Variants in ARSB observed in about 807,000 individuals in gnomAD.
ARSB encodes the protein N-acetylgalactosamine-4-sulfatase.
Under a neutral mutation model 50.9 loss-of-function variants are expected in ARSB, and 41 were observed. The observed-to-expected ratio is 0.81, with a 90% confidence interval of 0.63 to 1.04. ARSB has a LOEUF of 1.04. Ranked by LOEUF, ARSB falls within the 50% of genes least tolerant of loss-of-function variation. The pLI is 0.00. For missense variants in ARSB, 672 were observed against 693.3 expected, an observed-to-expected ratio of 0.97 and a Z score of 0.35; for synonymous variants, 269 against 284.8, an observed-to-expected ratio of 0.94 and a Z score of 0.56.
At chr5:78,956,278 A>C (rs925055202) in intron 3 of ARSB, among the ~76,000 whole-genome samples, 3 of 152,224 alleles carry the variant, frequency 2.0e-5, no homozygotes, top group Non-Finnish European at 4.4e-5. Context: ...AAGTCCTCAT[A>C]TTATGTAATT....
chr5:78,830,933 G>A (rs943396868), intron 6 of ARSB, among the ~76,000 whole-genome samples: 1 of 152,132 alleles, frequency 6.6e-6, no homozygotes, highest in African/African-American at 2.4e-5. Context: ...TAAGAACCCA[G>A]CAGATTTCAG....
At chr5:78,957,971 A>G (rs1751810656) in intron 3 of ARSB, among the ~76,000 whole-genome samples, 1 of 129,450 alleles carries the variant, frequency 7.7e-6, no homozygotes, top group South Asian at 2.7e-4. Flanking sequence ...GTTTTAAAAA[A>G]AATCAGGAAA....
At chr5:78,887,255 A>G (rs1358998232) in intron 4 of ARSB, among the ~76,000 whole-genome samples, 1 of 152,212 alleles carries the variant, frequency 6.6e-6, no homozygotes, top group Non-Finnish European at 1.5e-5. Context: ...ATAACATGGC[A>G]GAGAAGTGGA....
chr5:78,981,236 CACCG>C lies in ARSB; in HGVS notation c.312+3697_312+3700del, dbSNP rs1752890718. Among the ~76,000 whole-genome samples the C allele has an allele frequency of 6.4e-4, 3 of 4,670 alleles. 1 individual carries two copies. The highest frequency in any genetic ancestry group is 2.9e-3 in the Admixed American group (1 of 348). 3.1% of individuals were successfully genotyped at this position (4,670 alleles called of 152,430 possible). ...AAGTGCTGGGATTACAGGCGTGAGC[CACCG>C]CGCCCGGCCGAATTTCTAGTTCTTG... On this transcript the variant is annotated intron_variant, in intron 1 of 7. Transcript: ENST00000264914.
At chr5:78,847,199 C>T (rs534849190) in intron 5 of ARSB, among the ~76,000 whole-genome samples, 1 of 152,224 alleles carries the variant, frequency 6.6e-6, no homozygotes, top group South Asian at 2.1e-4. Flanking sequence ...TTGATCATGG[C>T]TCATTGCAGT....
rs577505599 is a variant in ARSB, at chr5:78,908,014, TG to T, written c.899-22188del. On this transcript the variant is annotated intron_variant, in intron 4 of 7. Coordinates refer to ENST00000264914, the MANE Select transcript of ARSB (RefSeq NM_000046.5). ...GCATCAAGCATGGTACCTGGACAGC[TG>T]GCATGGCAACCAACCTGACAGCAAT... Among the ~76,000 whole-genome samples, 40 of 152,274 alleles carry T rather than the reference TG, an allele frequency of 2.6e-4. No homozygotes were observed. In the East Asian group the frequency reaches 6.4e-3, roughly 24 times the overall value.
intron 6 of ARSB, among the ~76,000 whole-genome samples, chr5:78,806,033 A>G (rs1268084984): frequency 2.0e-5 from 3 of 152,146 alleles, no homozygotes; most frequent in African/African-American, 7.2e-5. Flanking sequence ...ACTACCACCT[A>G]CCTTCATTGG....
chr5:78,876,203 T>A (rs1032245281), intron 5 of ARSB, among the ~76,000 whole-genome samples: 3 of 152,028 alleles, frequency 2.0e-5, no homozygotes, highest in African/African-American at 7.2e-5. Flanking sequence ...CAAAGTAGAA[T>A]GAAGAAGAAA....
At chr5:78,939,936 A>G (rs1201210693) in intron 4 of ARSB, among the ~76,000 whole-genome samples, 1 of 152,196 alleles carries the variant, frequency 6.6e-6, no homozygotes, top group Non-Finnish European at 1.5e-5. Context: ...CATCCTCTCC[A>G]GCACCTGTTG....
chr5:78,966,147 A>G (rs1051394625), intron 2 of ARSB, among the ~76,000 whole-genome samples: 1 of 152,254 alleles, frequency 6.6e-6, no homozygotes, highest in African/African-American at 2.4e-5. Context: ...AGAATATAGG[A>G]CAGATACACT....
chr5:78,870,162 G>A (rs1193945161), intron 5 of ARSB, among the ~76,000 whole-genome samples: 1 of 148,804 alleles, frequency 6.7e-6, no homozygotes, highest in East Asian at 1.9e-4. Flanking sequence ...TGAAATTGTG[G>A]CAATAATCAA....
chr5:78,963,833 G>C (rs527300356), intron 3 of ARSB, among the ~76,000 whole-genome samples: 1 of 152,048 alleles, frequency 6.6e-6, no homozygotes, highest in Admixed American at 6.6e-5. Context: ...CTTTGGGCAG[G>C]GGGGAGCTGG....
chr5:78,932,025 T>C (rs76770375), intron 4 of ARSB, among the ~76,000 whole-genome samples: 17 of 152,302 alleles, frequency 1.1e-4, no homozygotes, highest in Admixed American at 3.3e-4. Context: ...TTAAACCTCT[T>C]TCCTTTATAA....
chr5:78,827,650 C>T lies in ARSB; in HGVS notation c.1213+11706G>A, dbSNP rs539005459. On this transcript the variant is annotated intron_variant, in intron 6 of 7. Coordinates refer to ENST00000264914, the MANE Select transcript of ARSB (RefSeq NM_000046.5). ...ACTCATATGACTGAATCAGGCCCACCCAGGACTTCCTCTTGGTTGAGGCAC... is the reference window on the plus strand; with the variant it reads ...ACTCATATGACTGAATCAGGCCCACTCAGGACTTCCTCTTGGTTGAGGCAC... Among the ~76,000 whole-genome samples the T allele has an allele frequency of 1.2e-4, 18 of 152,282 alleles. No homozygotes were observed. In the South Asian group the frequency reaches 3.5e-3, roughly 30 times the overall value.
intron 6 of ARSB, chr5:78,816,033 G>A: frequency 6.7e-7 from 1 of 1,499,798 alleles, no homozygotes; most frequent in Non-Finnish European, 9.1e-7. Context: ...CCTTGGGTCT[G>A]AAGTCATTTC....
intron 6 of ARSB, among the ~76,000 whole-genome samples, chr5:78,798,739 C>T (rs77591443): frequency 0.2 from 29,784 of 152,228 alleles, 4,153 homozygotes; most frequent in African/African-American, 0.39. Context: ...TCAGGTGGGC[C>T]TGCCCCCTCC....
chr5:78,855,475 A>C (rs1746091605), intron 5 of ARSB, among the ~76,000 whole-genome samples: 1 of 152,144 alleles, frequency 6.6e-6, no homozygotes, highest in Non-Finnish European at 1.5e-5. Context: ...CAGTTGCTCG[A>C]CTTGGGGATG....
chr5:78,947,836 T>C (rs1751313303), intron 4 of ARSB, among the ~76,000 whole-genome samples: 1 of 152,240 alleles, frequency 6.6e-6, no homozygotes, highest in South Asian at 2.1e-4. Context: ...TGCACTGCCA[T>C]GTTTATTGCA....
At chr5:78,948,364 T>C (rs1751344389) in intron 4 of ARSB, among the ~76,000 whole-genome samples, 1 of 152,196 alleles carries the variant, frequency 6.6e-6, no homozygotes, top group African/African-American at 2.4e-5. Context: ...CCAGATATGA[T>C]TACTATGCAT....
Sources: allele counts gnomAD v4.1 joint callset (sites outside exome capture counted in the v4.1 genomes callset), GRCh38; gene constraint gnomAD v4.1.1; transcripts MANE v1.5; gene names NCBI Gene and HGNC (gene_info 2026-07-23, HGNC 2026-07-21).